The following PDGFC variants were observed in gnomAD, a reference collection of about 807,000 sequenced individuals.
PDGFC encodes platelet-derived growth factor C.
PDGFC carries 12 observed loss-of-function variants against 35.5 expected under a neutral mutation model. That is an observed-to-expected ratio of 0.34 (90% CI 0.22 to 0.55). The LOEUF is 0.55. Among genes scored for constraint, PDGFC ranks in the 20% least tolerant of loss-of-function variants. The pLI is 0.91. For synonymous variants in PDGFC, 159 were observed against 148.8 expected (o/e 1.07, Z -0.50); for missense variants, 322 against 412.4 (o/e 0.78, Z 1.90).
At chr4:156,960,873 C>T (rs963239342) in intron 1 of PDGFC, among the ~76,000 whole-genome samples, 1 of 152,030 alleles carries the variant, frequency 6.6e-6, no homozygotes, top group African/African-American at 2.4e-5. Context: ...ATAGAGCAAT[C>T]TGAAAACACT....
At chr4:156,896,297 G>A (rs1184806460) in intron 1 of PDGFC, among the ~76,000 whole-genome samples, 1 of 152,142 alleles carries the variant, frequency 6.6e-6, no homozygotes, top group African/African-American at 2.4e-5. Context: ...CAATGTTTAT[G>A]AGTAACTGGC....
chr4:156,892,569 C>CA lies in PDGFC; in HGVS notation c.119-42154dup, dbSNP rs930026293. 1.6e-3 allele frequency among the ~76,000 whole-genome samples: 237 copies of CA among 150,242 alleles called. 1 individual carries two copies. Among genetic ancestry groups the CA allele is most frequent in the African/African-American group, 4.4e-3 (179 of 40,936 alleles). On this transcript the variant is annotated intron_variant, in intron 1 of 5. Transcript: ENST00000502773. ...TTTGATGAATGGTGAAATGGAAATCCAAAAAAAGGATATAAAAATCCCAAA... is the reference window on the plus strand; with the variant it reads ...TTTGATGAATGGTGAAATGGAAATCCAAAAAAAAGGATATAAAAATCCCAAA...
chr4:156,866,509 T>TGTGCAGTGGGTGGGG (rs1729845975), intron 1 of PDGFC, among the ~76,000 whole-genome samples: 1 of 152,010 alleles, frequency 6.6e-6, no homozygotes, highest in Non-Finnish European at 1.5e-5. Context: ...ACAGTTACCA[T>TGTGCAGTGGGTGGGG]GTGCAGTGGG....
At chr4:156,956,096 TG>T (rs886622112) in intron 1 of PDGFC, among the ~76,000 whole-genome samples, 3 of 152,070 alleles carry the variant, frequency 2.0e-5, no homozygotes, top group Admixed American at 6.6e-5. Flanking sequence ...TTTGTTTACC[TG>T]TTTTCAGGAT....
intron 3 of PDGFC, among the ~76,000 whole-genome samples, chr4:156,805,694 G>C (rs1731737783): frequency 6.6e-6 from 1 of 151,948 alleles, no homozygotes; most frequent in South Asian, 2.1e-4. Flanking sequence ...TTGGCTTTCA[G>C]TTAAGACTTT....
chr4:156,877,059 T>C (rs1392251891), intron 1 of PDGFC, among the ~76,000 whole-genome samples: 1 of 152,108 alleles, frequency 6.6e-6, no homozygotes, highest in African/African-American at 2.4e-5. Flanking sequence ...CACTAAATGA[T>C]ATAGCTTCTA....
chr4:156,970,272 T>A (rs1479962430), intron 1 of PDGFC, among the ~76,000 whole-genome samples: 1 of 152,172 alleles, frequency 6.6e-6, no homozygotes. Context: ...AATACACTTT[T>A]TAATTCCTCT....
chr4:156,935,830 C>T (rs1208650564), intron 1 of PDGFC, among the ~76,000 whole-genome samples: 3 of 152,148 alleles, frequency 2.0e-5, no homozygotes, highest in Non-Finnish European at 4.4e-5. Flanking sequence ...AATGAGACTA[C>T]ACTGTATATG....
At position 156,845,754 on chromosome 4, in the gene PDGFC, T is replaced by C. The variant is rs143835463; in HGVS notation, c.314+4467A>G. On this transcript the variant is annotated intron_variant, in intron 2 of 5. Coordinates refer to ENST00000502773, the MANE Select transcript of PDGFC (RefSeq NM_016205.3). ...TTATTAAACTGGTTATAACATCTGA[T>C]TGACCACTTTATTAGTAAGTTAAAT... 3.9e-3 allele frequency among the ~76,000 whole-genome samples: 592 copies of C among 151,976 alleles called. 4 individuals carry two copies. The highest frequency in any genetic ancestry group is 0.013 in the African/African-American group (545 of 41,534).
At chr4:156,824,127 T>G (rs1732353387) in intron 2 of PDGFC, among the ~76,000 whole-genome samples, 1 of 151,426 alleles carries the variant, frequency 6.6e-6, no homozygotes, top group South Asian at 2.1e-4. Context: ...GGTACAAAGT[T>G]TTCGTTAGAC....
At chr4:156,887,257 A>G (rs1307404659) in intron 1 of PDGFC, among the ~76,000 whole-genome samples, 1 of 152,184 alleles carries the variant, frequency 6.6e-6, no homozygotes, top group East Asian at 1.9e-4. Context: ...TATAATAATT[A>G]TCTACATAGA....
chr4:156,824,266 C>T (rs188910129), intron 2 of PDGFC, among the ~76,000 whole-genome samples: 44 of 135,846 alleles, frequency 3.2e-4, no homozygotes, highest in Admixed American at 1.3e-3. Context: ...TGAATTTAAC[C>T]CGTCTAGAAC....
chr4:156,971,665 C>T lies in PDGFC; in HGVS notation c.-762G>A, dbSNP rs1732598716. Among the ~76,000 whole-genome samples, 1 of 151,888 alleles carries T rather than the reference C, an allele frequency of 6.6e-6. No homozygotes were observed. On this transcript the variant is annotated 5_prime_UTR_variant, in exon 1 of 6. Coordinates refer to ENST00000502773, the MANE Select transcript of PDGFC (RefSeq NM_016205.3). ...CAAAGTTCACCTTGTTCGGGCTCGT[C>T]CCCCGCTCCTCAAAGCCTGGGGCAA...
At chr4:156,774,987 G>T (rs1448048733) in intron 3 of PDGFC, among the ~76,000 whole-genome samples, 1 of 151,970 alleles carries the variant, frequency 6.6e-6, no homozygotes, top group East Asian at 1.9e-4. Context: ...CAAGGATCTG[G>T]CTAAAATATT....
chr4:156,792,305 G>C (rs1435269335), intron 3 of PDGFC, among the ~76,000 whole-genome samples: 3 of 152,086 alleles, frequency 2.0e-5, no homozygotes, highest in African/African-American at 7.2e-5. Flanking sequence ...TGAAGGAAAA[G>C]ACAACTGTCA....
At chr4:156,893,817 G>C (rs1212757957) in intron 1 of PDGFC, among the ~76,000 whole-genome samples, 1 of 152,072 alleles carries the variant, frequency 6.6e-6, no homozygotes, top group Non-Finnish European at 1.5e-5. Flanking sequence ...CTTTATCTTA[G>C]AAAATACGAA....
intron 1 of PDGFC, among the ~76,000 whole-genome samples, chr4:156,936,032 T>G (rs936051071): frequency 6.6e-6 from 1 of 152,320 alleles, no homozygotes; most frequent in African/African-American, 2.4e-5. Context: ...ATCAGTATCT[T>G]TCCTCTTCCT....
At chr4:156,957,605 C>A (rs1178698129) in intron 1 of PDGFC, among the ~76,000 whole-genome samples, 2 of 151,860 alleles carry the variant, frequency 1.3e-5, no homozygotes, top group Non-Finnish European at 2.9e-5. Flanking sequence ...TGACTTTATT[C>A]TTCACTGTTC....
chr4:156,969,635 C>A (rs1318550956), intron 1 of PDGFC, among the ~76,000 whole-genome samples: 1 of 152,160 alleles, frequency 6.6e-6, no homozygotes, highest in Non-Finnish European at 1.5e-5. Context: ...GAAAAAAAAT[C>A]ACTCTGACTT....
Sources: gnomAD v4.1 joint callset for allele counts (sites outside exome capture counted in the v4.1 genomes callset) on GRCh38, gnomAD v4.1.1 for gene constraint, MANE v1.5 for transcripts, NCBI Gene and HGNC (gene_info 2026-07-23, HGNC 2026-07-21) for gene names.